FNIP2: variants seen among roughly 807,000 people sequenced by gnomAD.
The protein encoded by FNIP2 is folliculin-interacting protein 2.
In FNIP2, 32 loss-of-function variants were observed where a neutral mutation model predicts 108.7. The ratio of observed to expected loss-of-function variants is 0.29; its 90% CI spans 0.22 to 0.40. The LOEUF is 0.40. Ranked by LOEUF, FNIP2 falls within the 10% of genes least tolerant of loss-of-function variation. FNIP2 has a pLI of 1.00. For synonymous variants in FNIP2, 480 were observed against 496.7 expected (o/e 0.97, Z 0.45); for missense variants, 1,202 against 1,381.6 (o/e 0.87, Z 2.06).
intron 7 of FNIP2, chr4:158,836,182 A>G (rs994358694): frequency 5.9e-5 from 9 of 152,170 alleles, no homozygotes; most frequent in Middle Eastern, 3.2e-3. Context: ...GTGATACATG[A>G]CACCTTCAAC....
intron 14 of FNIP2, among the ~76,000 whole-genome samples, chr4:158,881,295 CG>C (rs1781585543): frequency 1.4e-5 from 2 of 145,458 alleles, no homozygotes; most frequent in Non-Finnish European, 3.0e-5. Context: ...TCTCTTTCCA[CG>C]GTCTCCCTCC....
At position 158,895,964 on chromosome 4, in the gene FNIP2, CT is replaced by C. The variant is rs1782633589; in HGVS notation, c.3266+100del. On this transcript the variant is annotated intron_variant, in intron 16 of 16. Transcript: ENST00000264433. ...CCTGTGTCACCCTAAACCTCAGGCCCTGGTAACCCATCAAAGTATGTGGAGT... is the reference window on the plus strand; with the variant it reads ...CCTGTGTCACCCTAAACCTCAGGCCCGGTAACCCATCAAAGTATGTGGAGT... 3.5e-5 allele frequency: 29 copies of C among 819,486 alleles called. 1 individual carries two copies. The South Asian group carries it at 4.3e-4, about 12-fold the overall frequency. 50.8% of individuals were successfully genotyped at this position (819,486 alleles called of 1,614,324 possible). A position where few individuals can be genotyped will look rare whatever the true frequency, so the allele number is the denominator to read the frequency against.
intron 12 of FNIP2, among the ~76,000 whole-genome samples, chr4:158,863,960 AAC>A (rs1262158978): frequency 6.6e-6 from 1 of 152,222 alleles, no homozygotes; most frequent in Non-Finnish European, 1.5e-5. Flanking sequence ...TATTTTTCAA[AAC>A]ACAGTGGAAT....
Position 158,869,189 on chromosome 4 carries a change from G to A in FNIP2, c.2553G>A (p.Glu851=), listed in dbSNP as rs1438941955. The part of the protein sequence containing the change: ...YVKAAEGPVL[E]PVAPRCVQRG... ...AGGCTGCGGAAGGACCTGTGCTGGA[G>A]CCTGTTGCCCCCAGGTGTGTCCAGC... Residue 851 remains glutamate, a synonymous_variant, in exon 13 of 17, where the codon GAG becomes GAA. Coordinates refer to ENST00000264433, the MANE Select transcript of FNIP2 (RefSeq NM_020840.3). 2.5e-6 allele frequency: 4 copies of A among 1,613,948 alleles called. No homozygotes were observed. The highest frequency in any genetic ancestry group is 2.5e-6 in the Non-Finnish European group (3 of 1,179,912).
At chr4:158,884,266 C>T (rs1252527196) in intron 14 of FNIP2, among the ~76,000 whole-genome samples, 2 of 152,160 alleles carry the variant, frequency 1.3e-5, no homozygotes, top group Non-Finnish European at 2.9e-5. Flanking sequence ...TTCACCACAG[C>T]TAGAATGTAT....
intron 1 of FNIP2, chr4:158,806,064 A>G: frequency 6.3e-6 from 6 of 950,762 alleles, no homozygotes; most frequent in Non-Finnish European, 7.6e-6. Flanking sequence ...AAACCTTTGA[A>G]AGGGGAAATT....
rs886720966 is a variant in FNIP2, at chr4:158,825,339, C to A, written c.108-577C>A. Reference sequence around the variant, plus strand: ...CTTTCTTGCTGACTGTAATTGCTAGCAATTCCAGTGCTCTACAGTGATGCA... The same window carrying A: ...CTTTCTTGCTGACTGTAATTGCTAGAAATTCCAGTGCTCTACAGTGATGCA... On this transcript the variant is annotated intron_variant, in intron 1 of 16. Transcript: ENST00000264433. 2.0e-5 allele frequency among the ~76,000 whole-genome samples: 3 copies of A among 152,234 alleles called. No homozygotes were observed. The East Asian group carries it at 5.8e-4, about 29-fold the overall frequency.
At chr4:158,867,705 G>C (rs985938557) in intron 12 of FNIP2, among the ~76,000 whole-genome samples, 1 of 152,212 alleles carries the variant, frequency 6.6e-6, no homozygotes, top group Admixed American at 6.5e-5. Flanking sequence ...CCAATGTCCT[G>C]GGATTCTTCC....
At chr4:158,850,314 G>T (rs747125185) in intron 7 of FNIP2, among the ~76,000 whole-genome samples, 4 of 152,018 alleles carry the variant, frequency 2.6e-5, no homozygotes, top group Non-Finnish European at 5.9e-5. Flanking sequence ...ACATTTCAAT[G>T]TCTAATTCCT....
chr4:158,829,471 A>G lies in FNIP2; in HGVS notation c.381+246A>G, dbSNP rs548512324. Among the ~76,000 whole-genome samples, 35 of 152,310 alleles carry G rather than the reference A, an allele frequency of 2.3e-4. No homozygotes were observed. In the South Asian group the frequency reaches 7.1e-3, roughly 31 times the overall value. On this transcript the variant is annotated intron_variant, in intron 3 of 16. Coordinates refer to ENST00000264433, the MANE Select transcript of FNIP2 (RefSeq NM_020840.3). ...AACTGGATGAGGAAGAAATATTGCC[A>G]GTCAGGTAAATTACCTTGCTTTGTT...
chr4:158,807,113 CTGTTT>C (rs909126326), intron 1 of FNIP2, among the ~76,000 whole-genome samples: 15 of 152,054 alleles, frequency 9.9e-5, no homozygotes, highest in African/African-American at 3.6e-4. Context: ...AAACAAAAAA[CTGTTT>C]TGAGAATTAC....
At position 158,868,928 on chromosome 4, in the gene FNIP2, T is replaced by C; in HGVS notation, c.2292T>C (p.Ser764=). The part of the protein sequence containing the change: ...AADVAQDPQV[S]RSPFKPGFQE... ...ATGTGGCTCAGGACCCGCAGGTTTC[T>C]AGGAGCCCTTTTAAACCTGGCTTTC... The change falls in exon 13 of 17, where the codon TCT becomes TCC. Residue 764 remains serine, a synonymous_variant. Transcript: ENST00000264433. The surrounding 1 kb of genome is among the most constrained non-coding windows in gnomAD (Gnocchi z 4.6). The C allele has an allele frequency of 6.2e-7, 1 of 1,613,942 alleles. No individual in the cohort carries two copies. The highest frequency in any genetic ancestry group is 8.5e-7 in the Non-Finnish European group (1 of 1,179,878).
intron 8 of FNIP2, among the ~76,000 whole-genome samples, chr4:158,855,171 G>A (rs568068498): frequency 2.6e-4 from 39 of 152,192 alleles, no homozygotes; most frequent in African/African-American, 9.2e-4. Context: ...ATACTTTGGG[G>A]TATCCTTTTC....
At chr4:158,801,983 G>A (rs1776779060) in intron 1 of FNIP2, among the ~76,000 whole-genome samples, 1 of 152,134 alleles carries the variant, frequency 6.6e-6, no homozygotes, top group African/African-American at 2.4e-5. Context: ...CTTCAAAAAA[G>A]CTTGCACACC....
At chr4:158,881,934 C>T (rs1258722144) in intron 14 of FNIP2, among the ~76,000 whole-genome samples, 12 of 151,348 alleles carry the variant, frequency 7.9e-5, no homozygotes, top group African/African-American at 2.9e-4. Context: ...GTGAGGAGCC[C>T]CTCTGCCTGG....
chr4:158,847,770 G>A (rs1228936031), intron 7 of FNIP2, among the ~76,000 whole-genome samples: 1 of 152,204 alleles, frequency 6.6e-6, no homozygotes, highest in Non-Finnish European at 1.5e-5. Flanking sequence ...GGACCCCACT[G>A]CCCTAAGGGT....
intron 1 of FNIP2, among the ~76,000 whole-genome samples, chr4:158,783,691 C>G (rs1303986250): frequency 3.9e-5 from 6 of 152,074 alleles, no homozygotes; most frequent in Admixed American, 1.3e-4. Flanking sequence ...ATTAGTGTGG[C>G]CTTGTCAGGG....
intron 1 of FNIP2, among the ~76,000 whole-genome samples, chr4:158,771,935 T>G (rs78102655): frequency 6.6e-6 from 1 of 152,188 alleles, no homozygotes; most frequent in African/African-American, 2.4e-5. Flanking sequence ...TTTTACACAC[T>G]TGATTAGAGA....
chr4:158,796,679 G>A (rs187607984), intron 1 of FNIP2, among the ~76,000 whole-genome samples: 102 of 152,312 alleles, frequency 6.7e-4, no homozygotes, highest in Non-Finnish European at 1.6e-4. Context: ...AAATTAACAC[G>A]TCGCATTTGT....
Sources: allele counts gnomAD v4.1 joint callset (sites outside exome capture counted in the v4.1 genomes callset), GRCh38; gene constraint gnomAD v4.1.1; non-coding constraint Gnocchi (gnomAD v3.1); transcripts MANE v1.5; gene names NCBI Gene and HGNC (gene_info 2026-07-23, HGNC 2026-07-21).